Variants in SPSB1 observed in about 807,000 individuals in gnomAD.
SPSB1 encodes the protein SPRY domain-containing SOCS box protein 1.
In SPSB1, 8 loss-of-function variants were observed where a neutral mutation model predicts 21.2. That is an observed-to-expected ratio of 0.38 (90% confidence interval 0.22 to 0.68). The LOEUF (loss-of-function observed/expected upper bound fraction) is 0.68. Among genes scored for constraint, SPSB1 ranks in the 30% least tolerant of loss-of-function variants. SPSB1 has a pLI of 0.53. For missense variants in SPSB1, 242 were observed against 377.8 expected (o/e 0.64, Z 2.98); for synonymous variants, 169 against 161.7 (o/e 1.05, Z -0.34).
rs1052472338 is a variant in SPSB1 at position 9,293,064 on chromosome 1, C to A, written c.-157C>A. On this transcript the variant is annotated 5_prime_UTR_variant, in exon 1 of 3. Coordinates refer to ENST00000328089, the MANE Select transcript of SPSB1 (RefSeq NM_025106.4). The surrounding 1 kb of genome is among the most constrained non-coding windows in gnomAD (Gnocchi z 5.1). ...GAGAGCAGCGGCGGCGGCGGCACCC[C>A]GGGCGCGGTAGGCGGCGCGGGGCAC... The A allele has an allele frequency of 6.9e-3, 6,718 of 980,058 alleles. 31 individuals carry two copies. Among genetic ancestry groups the A allele is most frequent in the Non-Finnish European group, 7.7e-3 (6,380 of 826,562 alleles). 60.7% of individuals were successfully genotyped at this position (980,058 alleles called of 1,614,324 possible). A position where few individuals can be genotyped will look rare whatever the true frequency, so the allele number is the denominator to read the frequency against.
At chr1:9,333,221 G>T (rs1163369117) in intron 1 of SPSB1, among the ~76,000 whole-genome samples, 1 of 152,134 alleles carries the variant, frequency 6.6e-6, no homozygotes, top group Non-Finnish European at 1.5e-5. Context: ...TTCCTGGACA[G>T]CAGCCTGTCC....
At chr1:9,359,874 G>C (rs560799640) in intron 2 of SPSB1, among the ~76,000 whole-genome samples, 2 of 151,264 alleles carry the variant, frequency 1.3e-5, no homozygotes, top group Admixed American at 6.6e-5. Flanking sequence ...GGGGCGGCCC[G>C]GTTCCGGGAC....
At chr1:9,335,419 T>C (rs1639989072) in intron 1 of SPSB1, among the ~76,000 whole-genome samples, 1 of 151,914 alleles carries the variant, frequency 6.6e-6, no homozygotes, top group South Asian at 2.1e-4. Flanking sequence ...GGAGAATCAC[T>C]TGAACCCAGG....
intron 1 of SPSB1, among the ~76,000 whole-genome samples, chr1:9,330,195 C>T (rs953087376): frequency 3.3e-5 from 5 of 152,200 alleles, no homozygotes; most frequent in South Asian, 4.1e-4. Context: ...AGGCTGGGCA[C>T]GGTGGCTCAC....
At position 9,345,459 on chromosome 1, in the gene SPSB1, G is replaced by A. The variant is rs993657862; in HGVS notation, c.-149-10284G>A. Among the ~76,000 whole-genome samples the A allele has an allele frequency of 3.9e-5, 6 of 152,180 alleles. No individual in the cohort carries two copies. The highest frequency in any genetic ancestry group is 2.1e-4 in the South Asian group (1 of 4,824). On this transcript the variant is annotated intron_variant, in intron 1 of 2. Coordinates refer to ENST00000328089, the MANE Select transcript of SPSB1 (RefSeq NM_025106.4). This position sits in a 1 kb window ranked among gnomAD's most constrained non-coding sequence, Gnocchi z 4.8. ...TAGTCCACGTTTTATTCCTCTTGCC[G>A]TGGGAGGGCATGTCTGCTGCTGTCT...
chr1:9,310,626 T>A (rs1639501183), intron 1 of SPSB1, among the ~76,000 whole-genome samples: 1 of 151,568 alleles, frequency 6.6e-6, no homozygotes, highest in Non-Finnish European at 1.5e-5. Context: ...GTTTGGGAGG[T>A]CGAGGCTGCA....
chr1:9,335,345 T>C lies in SPSB1; in HGVS notation c.-149-20398T>C, dbSNP rs1289766021. 4.0e-5 allele frequency among the ~76,000 whole-genome samples: 6 copies of C among 151,776 alleles called. No individual in the cohort carries two copies. In the East Asian group the frequency reaches 7.7e-4, roughly 20 times the overall value. On this transcript the variant is annotated intron_variant, in intron 1 of 2. Coordinates refer to ENST00000328089, the MANE Select transcript of SPSB1 (RefSeq NM_025106.4). ...GGCGAAACCCCGTCTCTACTAAAAA[T>C]ACAAAAATTAACCAGGTGTGGTGGT...
intron 1 of SPSB1, among the ~76,000 whole-genome samples, chr1:9,325,238 G>A (rs55689606): frequency 1.4e-4 from 18 of 131,434 alleles, no homozygotes; most frequent in African/African-American, 4.4e-4. Flanking sequence ...CCCCCCCCCC[G>A]CCCCGCCTCC....
chr1:9,325,239 C>CTT (rs1639799550), intron 1 of SPSB1, among the ~76,000 whole-genome samples: 1 of 144,648 alleles, frequency 6.9e-6, no homozygotes, highest in Non-Finnish European at 1.5e-5. Context: ...CCCCCCCCCG[C>CTT]CCCGCCTCCA....
At chr1:9,360,454 A>G (rs929225870) in intron 2 of SPSB1, among the ~76,000 whole-genome samples, 14 of 152,182 alleles carry the variant, frequency 9.2e-5, no homozygotes, top group Non-Finnish European at 1.8e-4. Flanking sequence ...GCTGCTGAAC[A>G]CATTACCACA....
intron 1 of SPSB1, among the ~76,000 whole-genome samples, chr1:9,339,429 C>T (rs1164973529): frequency 2.0e-5 from 3 of 152,096 alleles, no homozygotes; most frequent in East Asian, 1.9e-4. Flanking sequence ...AGTCTGGAGG[C>T]GACGGAGAGG....
chr1:9,359,187 A>G (rs1489504051), intron 2 of SPSB1, among the ~76,000 whole-genome samples: 2 of 152,312 alleles, frequency 1.3e-5, no homozygotes, highest in Non-Finnish European at 2.9e-5. Flanking sequence ...TCAGACATGA[A>G]TGGGCCCTGG....
rs909643727 is a variant in SPSB1 at position 9,367,878 on chromosome 1, A to G, written c.*303A>G. 9 of 344,632 alleles carry G rather than the reference A, an allele frequency of 2.6e-5. No individual in the cohort carries two copies. The highest frequency in any genetic ancestry group is 3.3e-5 in the South Asian group (1 of 30,624). 21.3% of individuals were successfully genotyped at this position (344,632 alleles called of 1,614,324 possible). Reference sequence around the variant, plus strand: ...TACGAAAGCCCTACATTGAGCTCCAATCTGCTCGGGGTGGGACGGGTGCTT... The same window carrying G: ...TACGAAAGCCCTACATTGAGCTCCAGTCTGCTCGGGGTGGGACGGGTGCTT... On this transcript the variant is annotated 3_prime_UTR_variant, in exon 3 of 3. Transcript: ENST00000328089. The surrounding 1 kb of genome is among the most constrained non-coding windows in gnomAD (Gnocchi z 5.9).
intron 1 of SPSB1, among the ~76,000 whole-genome samples, chr1:9,332,717 G>A (rs776030845): frequency 2.6e-5 from 4 of 152,216 alleles, no homozygotes; most frequent in Non-Finnish European, 4.4e-5. Flanking sequence ...AACTAGGAGC[G>A]TTTCAGGTCA....
At chr1:9,294,974 G>A (rs370303216) in intron 1 of SPSB1, among the ~76,000 whole-genome samples, 41 of 152,114 alleles carry the variant, frequency 2.7e-4, no homozygotes, top group African/African-American at 8.2e-4. Flanking sequence ...CAGAGAGGGC[G>A]GTTCACTTAC....
chr1:9,317,365 C>T lies in SPSB1; in HGVS notation c.-150+24294C>T, dbSNP rs976256780. On this transcript the variant is annotated intron_variant, in intron 1 of 2. Transcript: ENST00000328089. This position sits in a 1 kb window ranked among gnomAD's most constrained non-coding sequence, Gnocchi z 4.3. ...GATGATACCCGGTATATAGTAAGTG[C>T]TTGATAAAAGTCATCACCGAAATCA... Among the ~76,000 whole-genome samples the T allele has an allele frequency of 1.3e-5, 2 of 152,136 alleles. No individual in the cohort carries two copies. The highest frequency in any genetic ancestry group is 6.5e-5 in the Admixed American group (1 of 15,280).
chr1:9,333,365 C>G, intron 1 of SPSB1, among the ~76,000 whole-genome samples: 1 of 138,822 alleles, frequency 7.2e-6, no homozygotes, highest in East Asian at 2.1e-4. Flanking sequence ...GAGTCTCACT[C>G]TGTTGCCCAG....
chr1:9,307,698 C>A (rs1222250058), intron 1 of SPSB1, among the ~76,000 whole-genome samples: 1 of 152,218 alleles, frequency 6.6e-6, no homozygotes, highest in African/African-American at 2.4e-5. Context: ...CCCTCATCAC[C>A]AGAGACTCAG....
chr1:9,341,572 G>A (rs937897995), intron 1 of SPSB1, among the ~76,000 whole-genome samples: 3 of 152,190 alleles, frequency 2.0e-5, no homozygotes, highest in Non-Finnish European at 2.9e-5. Flanking sequence ...CTCTCTGGTT[G>A]GGTCACTTCT....
Sources: allele counts gnomAD v4.1 joint callset (sites outside exome capture counted in the v4.1 genomes callset), GRCh38; gene constraint gnomAD v4.1.1; non-coding constraint Gnocchi (gnomAD v3.1); transcripts MANE v1.5; gene names NCBI Gene and HGNC (gene_info 2026-07-23, HGNC 2026-07-21).